The following KIF1B variants were observed in gnomAD, a reference collection of about 807,000 sequenced individuals.
KIF1B encodes the protein kinesin family member 1B, also known as kinesin-like protein KIF1B.
A neutral mutation model predicts 241.9 loss-of-function variants in KIF1B; 76 were observed. The ratio of observed to expected loss-of-function variants is 0.31; its 90% CI spans 0.26 to 0.38. KIF1B has a LOEUF of 0.38. Among genes scored for constraint, KIF1B ranks in the 10% least tolerant of loss-of-function variants. KIF1B has a pLI of 1.00. For missense variants in KIF1B, 1,622 were observed against 2,271.4 expected, an observed-to-expected ratio of 0.71 and a Z score of 5.81; for synonymous variants, 750 against 796.7, an observed-to-expected ratio of 0.94 and a Z score of 0.99.
chr1:10,301,309 C>T (rs1011975610), intron 22 of KIF1B, among the ~76,000 whole-genome samples: 1 of 151,936 alleles, frequency 6.6e-6, no homozygotes, highest in African/African-American at 2.4e-5. Context: ...TACTAGACTG[C>T]CCTGAACTAC....
At chr1:10,261,309 T>G (rs1429204600) in intron 4 of KIF1B, among the ~76,000 whole-genome samples, 1 of 144,098 alleles carries the variant, frequency 6.9e-6, no homozygotes, top group Non-Finnish European at 1.5e-5. Flanking sequence ...TCACTCCTCT[T>G]GCCCAGGCTG....
chr1:10,306,907 G>A (rs1650858752), intron 22 of KIF1B: 10 of 1,046,780 alleles, frequency 9.6e-6, no homozygotes, highest in Non-Finnish European at 1.2e-5. Context: ...CTTTTCATGG[G>A]AGTGAATGAG....
At chr1:10,252,805 C>T (rs1483433422) in intron 2 of KIF1B, among the ~76,000 whole-genome samples, 2 of 151,938 alleles carry the variant, frequency 1.3e-5, no homozygotes, top group African/African-American at 4.8e-5. Context: ...CTGCAACCTC[C>T]ACCTCTCGGG....
intron 1 of KIF1B, among the ~76,000 whole-genome samples, chr1:10,229,884 A>G (rs1287100422): frequency 6.7e-6 from 1 of 149,658 alleles, no homozygotes; most frequent in Non-Finnish European, 1.5e-5. Context: ...AAAAAAAAAA[A>G]AAAAAAAAAA....
chr1:10,223,555 T>G lies in KIF1B; in HGVS notation c.-79-8695T>G, dbSNP rs986083341. The stretch of plus-strand genomic sequence containing the variant: ...TTTTTTGTTTTGTTTTGTTTTTTTT[T>G]TTTTTTTTTTTAGACGGAGTCTTAC... On this transcript the variant is annotated intron_variant, in intron 1 of 48. Coordinates refer to ENST00000676179, the MANE Select transcript of KIF1B (RefSeq NM_001365951.3). Among the ~76,000 whole-genome samples the G allele has an allele frequency of 3.9e-4, 59 of 150,280 alleles. 1 individual carries two copies. The South Asian group carries it at 8.0e-3, about 20-fold the overall frequency.
At chr1:10,352,863 T>G in intron 38 of KIF1B, 127 bp downstream of exon 38, 1 of 694,692 alleles carries the variant, frequency 1.4e-6, no homozygotes. Context: ...CCCTTCTAGC[T>G]TCAAAAATCT....
chr1:10,292,567 A>G (rs1331699259), intron 17 of KIF1B, among the ~76,000 whole-genome samples: 3 of 152,190 alleles, frequency 2.0e-5, no homozygotes, highest in African/African-American at 4.8e-5. Flanking sequence ...TGCTTCTGCA[A>G]TTTGTATTAT....
intron 15 of KIF1B, among the ~76,000 whole-genome samples, chr1:10,288,745 A>G (rs1649838421): frequency 6.6e-6 from 1 of 151,288 alleles, no homozygotes; most frequent in African/African-American, 2.4e-5. Flanking sequence ...ATACCCTCCT[A>G]TTTGTTCCAC....
At position 10,365,418 on chromosome 1, in the gene KIF1B, A is replaced by AAC; in HGVS notation, c.4522_4523insAC (p.Thr1508AsnfsTer20). ...GTATTGATCTTCTCAGGTGGAAAAAACCCGCCACTTTTTGCTGCTGCGTGA... is the reference window on the plus strand; with the variant it reads ...GTATTGATCTTCTCAGGTGGAAAAAAACCCCGCCACTTTTTGCTGCTGCGTGA... On this transcript the variant is annotated frameshift_variant, in exon 43 of 49. Transcript: ENST00000676179. LOFTEE classifies it high-confidence loss of function. The surrounding 1 kb of genome is among the most constrained non-coding windows in gnomAD (Gnocchi z 4.0). 3 of 1,584,706 alleles carry AAC rather than the reference A, an allele frequency of 1.9e-6. No homozygotes were observed. The highest frequency in any genetic ancestry group is 2.3e-5 in the East Asian group (1 of 43,386).
Position 10,303,753 on chromosome 1 carries a change from A to T in KIF1B, c.2115+6507A>T. Reference sequence around the variant, plus strand: ...GAAATAAAATGCTCAAAATGGAAAAAGTCTTGCCACTGATCGGATCTCAGG... The same window carrying T: ...GAAATAAAATGCTCAAAATGGAAAATGTCTTGCCACTGATCGGATCTCAGG... On this transcript the variant is annotated intron_variant, in intron 22 of 48. Transcript: ENST00000676179. The surrounding 1 kb of genome is among the most constrained non-coding windows in gnomAD (Gnocchi z 5.2). 1 of 1,614,208 alleles carries T rather than the reference A, an allele frequency of 6.2e-7. No individual in the cohort carries two copies. The highest frequency in any genetic ancestry group is 1.1e-5 in the South Asian group (1 of 91,082).
intron 44 of KIF1B, among the ~76,000 whole-genome samples, chr1:10,368,782 T>C (rs1638644461): frequency 6.6e-6 from 1 of 152,148 alleles, no homozygotes. Flanking sequence ...TGGGAAACAT[T>C]TTGGCTTTTT....
intron 14 of KIF1B, 43 bp downstream of exon 14, chr1:10,279,181 C>G (rs1649276739): frequency 7.5e-7 from 1 of 1,326,166 alleles, no homozygotes; most frequent in Non-Finnish European, 1.1e-6. Flanking sequence ...CTCTGACTTG[C>G]TAATCTGCCT....
At chr1:10,335,854 G>T (rs1652149161) in intron 28 of KIF1B, among the ~76,000 whole-genome samples, 1 of 145,372 alleles carries the variant, frequency 6.9e-6, no homozygotes, top group Non-Finnish European at 1.5e-5. Flanking sequence ...AAAAAAAAAA[G>T]ATTTTGGTAT....
rs1466985016 is a variant in KIF1B at position 10,270,397 on chromosome 1, ATGT to A, written c.721-1098_721-1096del. The stretch of plus-strand genomic sequence containing the variant: ...AGCATAGTGATTTTGAGATTCATCT[ATGT>A]TGTTGTGTTTATCAATAGTTCCTTT... On this transcript the variant is annotated intron_variant, in intron 7 of 48. Coordinates refer to ENST00000676179, the MANE Select transcript of KIF1B (RefSeq NM_001365951.3). Among the ~76,000 whole-genome samples, 68 of 152,294 alleles carry A rather than the reference ATGT, an allele frequency of 4.5e-4. No individual in the cohort carries two copies. In the East Asian group the frequency reaches 0.012, roughly 27 times the overall value.
intron 1 of KIF1B, among the ~76,000 whole-genome samples, chr1:10,221,115 T>TTTTC (rs1646839859): frequency 7.0e-6 from 1 of 143,328 alleles, no homozygotes; most frequent in Non-Finnish European, 1.5e-5. Context: ...TTTTTTTTTT[T>TTTTC]GACATGGAGT....
Position 10,347,780 on chromosome 1 carries a change from G to A in KIF1B, c.3817G>A (p.Asp1273Asn). 6.2e-7 allele frequency: 1 copy of A among 1,613,202 alleles called. No individual in the cohort carries two copies. Among genetic ancestry groups the A allele is most frequent in the Non-Finnish European group, 8.5e-7 (1 of 1,179,322 alleles). Residue 1273 changes from aspartate to asparagine, a missense_variant, in exon 36 of 49, where the codon GAC becomes AAC. Around this residue, in one of 7 missense-constraint regions of KIF1B, gnomAD observed 803 missense variants for 1,112.0 expected, o/e 0.72. Coordinates refer to ENST00000676179, the MANE Select transcript of KIF1B (RefSeq NM_001365951.3). ...TTTTAGGTATATCCCAGCTGTGGTT[G>A]ACCACACAGCAGGCTTGCCTTGCCA... ...PTGEYIPAVV[D>N]HTAGLPCQGT...
chr1:10,324,106 A>G, intron 25 of KIF1B, 44 bp downstream of exon 25: 1 of 1,578,594 alleles, frequency 6.3e-7, no homozygotes, highest in Non-Finnish European at 8.7e-7. Context: ...TTTAGGAAAT[A>G]ACAATGACCT....
chr1:10,328,326 A>G (rs1651797889), intron 27 of KIF1B, among the ~76,000 whole-genome samples: 1 of 152,208 alleles, frequency 6.6e-6, no homozygotes, highest in African/African-American at 2.4e-5. Flanking sequence ...TAGAAATGAA[A>G]GCCTCAAGTG....
chr1:10,302,018 A>T (rs1282313036), intron 22 of KIF1B, among the ~76,000 whole-genome samples: 2 of 152,226 alleles, frequency 1.3e-5, no homozygotes, highest in South Asian at 4.1e-4. Context: ...GATCAATTTT[A>T]TGTAACCAGA....
Sources: allele counts gnomAD v4.1 joint callset (sites outside exome capture counted in the v4.1 genomes callset), GRCh38; gene constraint gnomAD v4.1.1; regional missense constraint gnomAD v4.1.1; non-coding constraint Gnocchi (gnomAD v3.1); transcripts MANE v1.5; gene names NCBI Gene and HGNC (gene_info 2026-07-23, HGNC 2026-07-21).